SLC28A1: variants seen among roughly 807,000 people sequenced by gnomAD.
The protein encoded by SLC28A1 is solute carrier family 28 member 1.
A neutral mutation model predicts 74.8 loss-of-function variants in SLC28A1; 64 were observed. The ratio of observed to expected loss-of-function variants is 0.86; its 90% CI spans 0.70 to 1.05. The LOEUF is 1.05. Ranked by LOEUF, SLC28A1 falls within the 50% of genes least tolerant of loss-of-function variation. The probability of loss-of-function intolerance (pLI) is 0.00; values close to 1 mark genes in which losing one functional copy is unlikely to be tolerated. For missense variants in SLC28A1, 828 were observed against 822.8 expected, an observed-to-expected ratio of 1.01 and a Z score of -0.08; for synonymous variants, 359 against 335.0, an observed-to-expected ratio of 1.07 and a Z score of -0.78.
At chr15:84,901,612 A>G (rs1412583367) in intron 6 of SLC28A1, among the ~76,000 whole-genome samples, 3 of 152,266 alleles carry the variant, frequency 2.0e-5, no homozygotes, top group Non-Finnish European at 4.4e-5. Flanking sequence ...ACATGGTAAG[A>G]TGCTCAACAT....
At chr15:84,951,425 TA>T in the SLC28A1 span, among the ~76,000 whole-genome samples, 1,250 of 90,714 alleles carry the variant, frequency 0.014, 16 homozygotes, top group African/African-American at 0.049. Flanking sequence ...GACCCTGTCT[TA>T]AAAAAAAATA....
intron 9 of SLC28A1, among the ~76,000 whole-genome samples, chr15:84,911,902 G>T (rs1008184120): frequency 3.3e-5 from 5 of 150,672 alleles, no homozygotes; most frequent in African/African-American, 9.7e-5. Context: ...AAATAAAAAT[G>T]TATCAGTGGT....
intron 2 of SLC28A1, 92 bp downstream of exon 2, chr15:84,886,879 GC>G: frequency 1.7e-6 from 1 of 598,654 alleles, no homozygotes; most frequent in Non-Finnish European, 2.1e-6. Flanking sequence ...GTGTGTGCAC[GC>G]ACATGCACGG....
chr15:84,929,235 T>G (rs1170951972), intron 12 of SLC28A1, among the ~76,000 whole-genome samples: 1 of 152,210 alleles, frequency 6.6e-6, no homozygotes, highest in Non-Finnish European at 1.5e-5. Flanking sequence ...TTTAACCTAT[T>G]TCTTTTTCCT....
chr15:84,913,003 G>T (rs534932452), intron 9 of SLC28A1, among the ~76,000 whole-genome samples: 83 of 152,222 alleles, frequency 5.5e-4, no homozygotes, highest in African/African-American at 1.6e-3. Context: ...GAGGCAGGAG[G>T]CATCTTGTTG....
At chr15:84,943,136 A>C (rs1972899629) in intron 15 of SLC28A1, among the ~76,000 whole-genome samples, 1 of 152,202 alleles carries the variant, frequency 6.6e-6, no homozygotes, top group Admixed American at 6.5e-5. Flanking sequence ...CAGTGGGCTG[A>C]GATTGTGCCA....
At chr15:84,889,798 CT>C (rs922398827) in intron 4 of SLC28A1, among the ~76,000 whole-genome samples, 1 of 137,130 alleles carries the variant, frequency 7.3e-6, no homozygotes, top group African/African-American at 2.7e-5. Flanking sequence ...TCTTTCTTTT[CT>C]TTTTTCTTTC....
At chr15:84,919,887 G>C (rs1307385724) in intron 10 of SLC28A1, among the ~76,000 whole-genome samples, 1 of 152,170 alleles carries the variant, frequency 6.6e-6, no homozygotes, top group Non-Finnish European at 1.5e-5. Context: ...TAGCATAAAG[G>C]AGGTGATTCT....
chr15:84,887,722 G>A, intron 2 of SLC28A1, 23 bp from the exon 3 acceptor site: 1 of 1,606,706 alleles, frequency 6.2e-7, no homozygotes, highest in Non-Finnish European at 8.5e-7. Context: ...TCAGCGTTGG[G>A]CGCTCCCTGA....
chr15:84,921,302 A>T (rs1043241493), intron 11 of SLC28A1, among the ~76,000 whole-genome samples: 1 of 152,156 alleles, frequency 6.6e-6, no homozygotes, highest in Non-Finnish European at 1.5e-5. Flanking sequence ...GGCGGTCTTC[A>T]TCAGCCCAAA....
At chr15:84,943,221 A>T (rs1433342226) in intron 15 of SLC28A1, among the ~76,000 whole-genome samples, 1 of 152,080 alleles carries the variant, frequency 6.6e-6, no homozygotes, top group Non-Finnish European at 1.5e-5. Context: ...AAACAAAAAA[A>T]GTTGAAGGAC....
At chr15:84,925,263 G>A (rs1363380351) in intron 12 of SLC28A1, among the ~76,000 whole-genome samples, 2 of 151,684 alleles carry the variant, frequency 1.3e-5, no homozygotes, top group Non-Finnish European at 2.9e-5. Context: ...CTGAAAGTGG[G>A]GTCCATGGAC....
the SLC28A1 span, among the ~76,000 whole-genome samples, chr15:84,959,099 C>CAA: frequency 2.7e-3 from 127 of 46,876 alleles, no homozygotes; most frequent in African/African-American, 3.4e-3. Context: ...GGCTTCATCT[C>CAA]AAAAAAAAAA....
At chr15:84,949,852 A>G (rs1215790415), downstream of SLC28A1, among the ~76,000 whole-genome samples, 1 of 147,238 alleles carries the variant, frequency 6.8e-6, no homozygotes, top group Non-Finnish European at 1.5e-5. Flanking sequence ...TAAAGGCACT[A>G]TCTCTAGGAC....
At chr15:84,889,750 TTCCTTCCTTCCTTC>T (rs767088136) in intron 4 of SLC28A1, among the ~76,000 whole-genome samples, 30,142 of 124,406 alleles carry the variant, frequency 0.24, 4,463 homozygotes, top group Admixed American at 0.33. Context: ...CCTTCCTTCC[TTCCTTCCTTCCTTC>T]CTTTTCTTTC....
intron 9 of SLC28A1, among the ~76,000 whole-genome samples, chr15:84,912,758 T>C (rs1486581449): frequency 6.6e-6 from 1 of 150,784 alleles, no homozygotes; most frequent in African/African-American, 2.5e-5. Context: ...ATGTCTGATA[T>C]AGACTCTGCA....
At chr15:84,937,559 T>C (rs1972079427) in intron 15 of SLC28A1, among the ~76,000 whole-genome samples, 1 of 152,218 alleles carries the variant, frequency 6.6e-6, no homozygotes, top group African/African-American at 2.4e-5. Flanking sequence ...CTCTTGTCTT[T>C]TTAATTATGT....
intron 8 of SLC28A1, among the ~76,000 whole-genome samples, chr15:84,908,167 C>G (rs990291112): frequency 1.4e-5 from 2 of 146,582 alleles, no homozygotes; most frequent in African/African-American, 5.0e-5. Context: ...CTAATAACTC[C>G]CAGAGCATTT....
intron 1 of SLC28A1, chr15:84,886,187 T>G: frequency 1.0e-6 from 1 of 985,392 alleles, no homozygotes; most frequent in South Asian, 4.7e-5. Context: ...TGGTTTTGTT[T>G]TCTTGACAGA....
Sources: allele counts gnomAD v4.1 joint callset (sites outside exome capture counted in the v4.1 genomes callset), GRCh38; gene constraint gnomAD v4.1.1; transcripts MANE v1.5; gene names NCBI Gene and HGNC (gene_info 2026-07-23, HGNC 2026-07-21).